Variants in GRIN3A observed in about 807,000 individuals in gnomAD.
The protein encoded by GRIN3A is glutamate ionotropic receptor NMDA type subunit 3A.
A neutral mutation model predicts 92.4 loss-of-function variants in GRIN3A; 47 were observed. That is an observed-to-expected ratio of 0.51 (90% CI 0.40 to 0.65). The LOEUF (loss-of-function observed/expected upper bound fraction) is 0.65. GRIN3A is among the 30% of genes least tolerant of loss of function. The pLI is 0.00. For synonymous variants in GRIN3A, 527 were observed against 540.6 expected, an observed-to-expected ratio of 0.97 and a Z score of 0.35; for missense variants, 1,324 against 1,393.1, an observed-to-expected ratio of 0.95 and a Z score of 0.79.
rs530788796 is a variant in GRIN3A, at chr9:101,702,401, T to C, written c.700-15201A>G. Among the ~76,000 whole-genome samples, 114 of 152,348 alleles carry C rather than the reference T, an allele frequency of 7.5e-4. 4 individuals are homozygous for C. The highest frequency in any genetic ancestry group is 2.6e-3 in the African/African-American group (107 of 41,588). The stretch of plus-strand genomic sequence containing the variant: ...AAACAACTTTTATAACAATCATCAA[T>C]GATCAATGCTGAAAAGCTTGATTTT... On this transcript the variant is annotated intron_variant, in intron 1 of 8. Transcript: ENST00000361820.
chr9:101,582,382 C>T (rs767871678), intron 6 of GRIN3A, among the ~76,000 whole-genome samples: 5 of 152,076 alleles, frequency 3.3e-5, no homozygotes, highest in African/African-American at 9.7e-5. Flanking sequence ...AGCAGGGGCT[C>T]GGAGACTGGC....
chr9:101,672,164 C>T (rs1829335925), intron 2 of GRIN3A, among the ~76,000 whole-genome samples: 1 of 151,970 alleles, frequency 6.6e-6, no homozygotes, highest in Non-Finnish European at 1.5e-5. Context: ...GCTAACATGG[C>T]CCTTGAACAA....
chr9:101,734,276 A>G (rs1405856699), intron 1 of GRIN3A, among the ~76,000 whole-genome samples: 1 of 152,220 alleles, frequency 6.6e-6, no homozygotes, highest in Admixed American at 6.5e-5. Flanking sequence ...CATATTCAGC[A>G]TCATTATTTG....
intron 1 of GRIN3A, among the ~76,000 whole-genome samples, chr9:101,696,568 C>T (rs758389758): frequency 1.1e-4 from 16 of 152,128 alleles, no homozygotes; most frequent in Non-Finnish European, 2.1e-4. Context: ...AAGGAACATA[C>T]ACAGGCAGAT....
At chr9:101,620,708 G>T (rs1828538624) in intron 5 of GRIN3A, among the ~76,000 whole-genome samples, 1 of 152,018 alleles carries the variant, frequency 6.6e-6, no homozygotes, top group Admixed American at 6.5e-5. Context: ...CCCTGTGAAA[G>T]GTTATGGGTA....
chr9:101,699,904 G>A (rs1007868028), intron 1 of GRIN3A, among the ~76,000 whole-genome samples: 2 of 151,990 alleles, frequency 1.3e-5, no homozygotes, highest in African/African-American at 4.8e-5. Context: ...CATTTTCTCT[G>A]CCCAGAACTT....
At chr9:101,718,692 T>G (rs760301594) in intron 1 of GRIN3A, among the ~76,000 whole-genome samples, 29 of 152,226 alleles carry the variant, frequency 1.9e-4, no homozygotes, top group Non-Finnish European at 3.8e-4. Context: ...TCCTTTTCAA[T>G]TAGCATTTAA....
chr9:101,735,303 T>C (rs1266748785), intron 1 of GRIN3A, among the ~76,000 whole-genome samples: 1 of 151,870 alleles, frequency 6.6e-6, no homozygotes, highest in African/African-American at 2.4e-5. Context: ...GTGACAACAG[T>C]GATTTAAAAT....
intron 2 of GRIN3A, among the ~76,000 whole-genome samples, chr9:101,679,446 G>A (rs2118967013): frequency 6.6e-6 from 1 of 152,226 alleles, no homozygotes; most frequent in African/African-American, 2.4e-5. Flanking sequence ...ATTTTCCAGT[G>A]TACCTTATGT....
intron 6 of GRIN3A, among the ~76,000 whole-genome samples, chr9:101,602,480 T>C (rs150011794): frequency 5.3e-5 from 8 of 152,288 alleles, no homozygotes; most frequent in African/African-American, 1.2e-4. Context: ...CCACAGACTT[T>C]AGTGCATGGA....
chr9:101,710,922 C>G (rs1408429447), intron 1 of GRIN3A, among the ~76,000 whole-genome samples: 2 of 152,124 alleles, frequency 1.3e-5, no homozygotes, highest in East Asian at 3.9e-4. Context: ...TTCTCATATA[C>G]ATACATATAA....
chr9:101,649,326 G>A (rs1828980279), intron 3 of GRIN3A, among the ~76,000 whole-genome samples: 1 of 151,970 alleles, frequency 6.6e-6, no homozygotes, highest in Non-Finnish European at 1.5e-5. Flanking sequence ...TGGTGTCTTT[G>A]CTGATTAGAG....
At chr9:101,609,071 T>G (rs988268125) in intron 6 of GRIN3A, among the ~76,000 whole-genome samples, 9 of 152,214 alleles carry the variant, frequency 5.9e-5, no homozygotes, top group Admixed American at 5.2e-4. Flanking sequence ...TGCTTTTGTT[T>G]AGGCCTTCAC....
At chr9:101,627,628 G>A (rs1476160074) in intron 4 of GRIN3A, among the ~76,000 whole-genome samples, 1 of 152,108 alleles carries the variant, frequency 6.6e-6, no homozygotes, top group African/African-American at 2.4e-5. Flanking sequence ...AGGAAGACTA[G>A]ACAGAACAGA....
Position 101,632,078 on chromosome 9 carries a change from C to G in GRIN3A, c.2353-3677G>C, listed in dbSNP as rs144441276. On this transcript the variant is annotated intron_variant, in intron 3 of 8. Transcript: ENST00000361820. ...CCTTGTCGTCCTGCTCTCCCCCTGG[C>G]CTTCCAAGCTTTGGCCAGTTCTCTC... 3.3e-5 allele frequency among the ~76,000 whole-genome samples: 5 copies of G among 152,330 alleles called. No individual in the cohort carries two copies. In the East Asian group the frequency reaches 9.7e-4, roughly 29 times the overall value.
chr9:101,737,788 C>T lies in GRIN3A; in HGVS notation c.192G>A (p.Ala64=), dbSNP rs942112072. The T allele has an allele frequency of 3.9e-6, 6 of 1,528,112 alleles. No homozygotes were observed. Among genetic ancestry groups the T allele is most frequent in the Non-Finnish European group, 5.2e-6 (6 of 1,143,844 alleles). 94.7% of individuals were successfully genotyped at this position (1,528,112 alleles called of 1,614,324 possible). The stretch of plus-strand genomic sequence containing the variant: ...GGCTGTCGTCCGGAGCGCGGCTGGC[C>T]GCGCGGGGGGCGGTGGTCCAGGGCT... ...HLQPWTTAPR[A]ASRAPDDSRA... Residue 64 remains alanine, a synonymous_variant, in exon 1 of 9, where the codon GCG becomes GCA. Transcript: ENST00000361820.
chr9:101,634,740 T>G (rs1828762608), intron 3 of GRIN3A, among the ~76,000 whole-genome samples: 1 of 152,176 alleles, frequency 6.6e-6, no homozygotes, highest in Admixed American at 6.5e-5. Context: ...AAATACCAAT[T>G]AATATATACC....
At chr9:101,577,889 A>C (rs41306471) in intron 7 of GRIN3A, 45 bp from the exon 8 acceptor site, 25 of 1,400,764 alleles carry the variant, frequency 1.8e-5, no homozygotes, top group Non-Finnish European at 2.5e-5. Context: ...TGAGAAACAC[A>C]TAGGTCAGGG....
intron 5 of GRIN3A, among the ~76,000 whole-genome samples, chr9:101,621,307 GA>G (rs1828551768): frequency 6.6e-6 from 1 of 151,348 alleles, no homozygotes; most frequent in Non-Finnish European, 1.5e-5. Flanking sequence ...AACAATTTGT[GA>G]AATTCATATT....
Sources: gnomAD v4.1 joint callset for allele counts (sites outside exome capture counted in the v4.1 genomes callset) on GRCh38, gnomAD v4.1.1 for gene constraint, MANE v1.5 for transcripts, NCBI Gene and HGNC (gene_info 2026-07-23, HGNC 2026-07-21) for gene names.